The following PIAS1 variants were observed in gnomAD, a reference collection of about 807,000 sequenced individuals.
PIAS1 encodes protein inhibitor of activated STAT 1, also known as E3 SUMO-protein ligase PIAS1.
In PIAS1, 6 loss-of-function variants were observed where a neutral mutation model predicts 71.3. That is an observed-to-expected ratio of 0.08 (90% CI 0.05 to 0.17). The LOEUF (loss-of-function observed/expected upper bound fraction) is 0.17, where lower values mean the gene tolerates loss of function less well. Ranked by LOEUF, PIAS1 falls within the 10% of genes least tolerant of loss-of-function variation. The pLI is 1.00. For missense variants in PIAS1, 555 were observed against 793.6 expected (o/e 0.70, Z 3.61); for synonymous variants, 303 against 292.9 (o/e 1.03, Z -0.35).
intron 1 of PIAS1, among the ~76,000 whole-genome samples, chr15:68,085,349 A>G (rs2092269998): frequency 6.6e-6 from 1 of 152,170 alleles, no homozygotes; most frequent in Non-Finnish European, 1.5e-5. Flanking sequence ...GAGGATTGGT[A>G]TAGATGGTCA....
Position 68,090,099 on chromosome 15 carries a change from C to G in PIAS1, c.469+3349C>G, listed in dbSNP as rs373172487. Among the ~76,000 whole-genome samples, 16 of 151,060 alleles carry G rather than the reference C, an allele frequency of 1.1e-4. No homozygotes were observed. The East Asian group carries it at 1.4e-3, about 13-fold the overall frequency. ...CTCATCATGTCAGCCAGGCTGGTCT[C>G]GAACTCCTGGACTCAAGTGATCTTC... On this transcript the variant is annotated intron_variant, in intron 2 of 13. Transcript: ENST00000249636.
chr15:68,178,524 A>G lies in PIAS1; in HGVS notation c.1481+1870A>G, dbSNP rs952757258. Among the ~76,000 whole-genome samples the G allele has an allele frequency of 2.6e-5, 4 of 152,208 alleles. No homozygotes were observed. Among genetic ancestry groups the G allele is most frequent in the Non-Finnish European group, 5.9e-5 (4 of 68,030 alleles). ...TTATGTCTGAGTAGGAGAAAAGGAA[A>G]AGTCACATTACCTAAAGTTAGAACA... is the stretch of plus-strand genomic sequence containing the variant. On this transcript the variant is annotated intron_variant, in intron 11 of 13. Transcript: ENST00000249636. This position sits in a 1 kb window ranked among gnomAD's most constrained non-coding sequence, Gnocchi z 4.2.
At chr15:68,132,245 G>A (rs559095697) in intron 2 of PIAS1, among the ~76,000 whole-genome samples, 169 of 152,126 alleles carry the variant, frequency 1.1e-3, no homozygotes, top group African/African-American at 3.9e-3. Flanking sequence ...TTGGGAGGCT[G>A]AGGCGGGCGG....
intron 2 of PIAS1, among the ~76,000 whole-genome samples, chr15:68,121,948 C>A (rs564512781): frequency 6.6e-6 from 1 of 151,848 alleles, no homozygotes; most frequent in Non-Finnish European, 1.5e-5. Context: ...GGTGATATGG[C>A]GAAACTCTGT....
At chr15:68,102,996 C>T (rs1409327926) in intron 2 of PIAS1, among the ~76,000 whole-genome samples, 1 of 151,934 alleles carries the variant, frequency 6.6e-6, no homozygotes, top group East Asian at 1.9e-4. Flanking sequence ...AGCACAGTCT[C>T]GGCTCACTGC....
rs907138226 is a variant in PIAS1 at position 68,146,315 on chromosome 15, A to T, written c.694-251A>T. On this transcript the variant is annotated intron_variant, in intron 5 of 13. Transcript: ENST00000249636. ...ACCTATCTAAGCTTGTTATGAATTC[A>T]TCCTGATTTTTAAATTTAAGAGATT... 3.3e-5 allele frequency among the ~76,000 whole-genome samples: 5 copies of T among 152,180 alleles called. 1 individual carries two copies. The highest frequency in any genetic ancestry group is 1.2e-4 in the African/African-American group (5 of 41,450).
At chr15:68,063,834 G>A (rs2091986683) in intron 1 of PIAS1, among the ~76,000 whole-genome samples, 1 of 151,824 alleles carries the variant, frequency 6.6e-6, no homozygotes, top group African/African-American at 2.4e-5. Flanking sequence ...AAAACTGCCA[G>A]CACCTTGGCA....
chr15:68,101,490 C>A (rs1424762621), intron 2 of PIAS1, among the ~76,000 whole-genome samples: 1 of 151,810 alleles, frequency 6.6e-6, no homozygotes, highest in Non-Finnish European at 1.5e-5. Context: ...TGGGATCTCA[C>A]TGTGTTGCTC....
chr15:68,090,204 A>T (rs139462814), intron 2 of PIAS1, among the ~76,000 whole-genome samples: 1,842 of 151,376 alleles, frequency 0.012, 19 homozygotes, highest in African/African-American at 0.035. Flanking sequence ...TAATAATAAT[A>T]ATTATTATTA....
At chr15:68,129,028 C>G (rs1291500096) in intron 2 of PIAS1, among the ~76,000 whole-genome samples, 3 of 151,952 alleles carry the variant, frequency 2.0e-5, no homozygotes, top group Non-Finnish European at 4.4e-5. Flanking sequence ...ACATGTATTT[C>G]TTAAACTTTG....
At chr15:68,184,001 A>AT in intron 13 of PIAS1, 1 of 167,248 alleles carries the variant, frequency 6.0e-6, no homozygotes, top group Non-Finnish European at 1.3e-5. Context: ...GTGTACCTCT[A>AT]CTTTTTTTTT....
Position 68,186,932 on chromosome 15 carries a change from G to A in PIAS1, c.1663-610G>A, listed in dbSNP as rs2093091788. Reference sequence around the variant, plus strand: ...CACAGCCACAAAACCGCCTAATGATGCATTTCTCAAAACACATCCGTGTCA... The same window carrying A: ...CACAGCCACAAAACCGCCTAATGATACATTTCTCAAAACACATCCGTGTCA... On this transcript the variant is annotated intron_variant, in intron 13 of 13. Coordinates refer to ENST00000249636, the MANE Select transcript of PIAS1 (RefSeq NM_016166.3). This position sits in a 1 kb window ranked among gnomAD's most constrained non-coding sequence, Gnocchi z 4.4. Among the ~76,000 whole-genome samples, 1 of 152,170 alleles carries A rather than the reference G, an allele frequency of 6.6e-6. No individual in the cohort carries two copies. Among genetic ancestry groups the A allele is most frequent in the African/African-American group, 2.4e-5 (1 of 41,434 alleles).
At chr15:68,140,511 T>C (rs1429220903) in intron 2 of PIAS1, among the ~76,000 whole-genome samples, 9 of 152,172 alleles carry the variant, frequency 5.9e-5, no homozygotes, top group Non-Finnish European at 1.2e-4. Flanking sequence ...ACTTTTTCTG[T>C]TAGTGACTGC....
rs778675349 is a variant in PIAS1, at chr15:68,187,881, T to G, written c.*46T>G. The stretch of plus-strand genomic sequence containing the variant: ...CATCCCCACCCCAGATCGAATGAAC[T>G]TGGCAGAAAGAAGAGAACTTTGTGC... On this transcript the variant is annotated 3_prime_UTR_variant, in exon 14 of 14. Transcript: ENST00000249636. The surrounding 1 kb of genome is among the most constrained non-coding windows in gnomAD (Gnocchi z 5.3). 1 of 1,557,436 alleles carries G rather than the reference T, an allele frequency of 6.4e-7. No homozygotes were observed. Among genetic ancestry groups the G allele is most frequent in the East Asian group, 2.3e-5 (1 of 43,912 alleles).
chr15:68,080,898 C>T (rs543861355), intron 1 of PIAS1, among the ~76,000 whole-genome samples: 1 of 152,298 alleles, frequency 6.6e-6, no homozygotes, highest in Non-Finnish European at 1.5e-5. Context: ...CTGTAAACCA[C>T]TGCAGTGGGA....
At chr15:68,146,444 A>G (rs1165895728) in intron 5 of PIAS1, 122 bp from the exon 6 acceptor site, 1 of 688,988 alleles carries the variant, frequency 1.5e-6, no homozygotes, top group Non-Finnish European at 2.4e-6. Flanking sequence ...TTGCTTCTCT[A>G]CTTTTTAATG....
In PIAS1 at chr15:68,192,982, G is replaced by A. The variant is rs1198183236; in HGVS notation, c.*5147G>A. 1.3e-5 allele frequency: 2 copies of A among 152,336 alleles called. No individual in the cohort carries two copies. Among genetic ancestry groups the A allele is most frequent in the Non-Finnish European group, 2.9e-5 (2 of 68,146 alleles). 9.4% of individuals were successfully genotyped at this position (152,336 alleles called of 1,614,324 possible). ...AGCACCAACCTGGCACCTTCTAGCT[G>A]TGTAACTCACTCAAAGCCACTCCAG... On this transcript the variant is annotated 3_prime_UTR_variant, in exon 14 of 14. Transcript: ENST00000249636.
intron 6 of PIAS1, among the ~76,000 whole-genome samples, chr15:68,151,764 G>A (rs2092847341): frequency 6.6e-6 from 1 of 150,528 alleles, no homozygotes; most frequent in Non-Finnish European, 1.5e-5. Context: ...GGATGCTGAG[G>A]CAGGAGAATC....
At position 68,189,790 on chromosome 15, in the gene PIAS1, CAGT is replaced by C. The variant is rs1210095085; in HGVS notation, c.*1956_*1958del. 2.0e-5 allele frequency: 3 copies of C among 151,890 alleles called. No homozygotes were observed. The highest frequency in any genetic ancestry group is 6.6e-5 in the Admixed American group (1 of 15,246). The allele number at this position is 151,890 out of a possible 1,614,324, so 9.4% of individuals were successfully genotyped here. ...TAAAAAAAAAACCAAAACAGATTGT[CAGT>C]TAACCAGGAAACAGTTAATGTTTTT... On this transcript the variant is annotated 3_prime_UTR_variant, in exon 14 of 14. Coordinates refer to ENST00000249636, the MANE Select transcript of PIAS1 (RefSeq NM_016166.3).
Sources: gnomAD v4.1 joint callset for allele counts (sites outside exome capture counted in the v4.1 genomes callset) on GRCh38, gnomAD v4.1.1 for gene constraint, Gnocchi (gnomAD v3.1) non-coding constraint, MANE v1.5 for transcripts, NCBI Gene and HGNC (gene_info 2026-07-23, HGNC 2026-07-21) for gene names.